Variants in IMMP2L observed in about 807,000 individuals in gnomAD.
The protein encoded by IMMP2L is mitochondrial inner membrane protease subunit 2.
In IMMP2L, 18 loss-of-function variants were observed where a neutral mutation model predicts 19.3. The observed-to-expected ratio is 0.93, with a 90% CI of 0.64 to 1.38. The LOEUF (loss-of-function observed/expected upper bound fraction) is 1.38, where lower values mean the gene tolerates loss of function less well. Among genes scored for constraint, IMMP2L ranks in the 40% most tolerant of loss-of-function variants. The pLI is 0.00. For missense variants in IMMP2L, 233 were observed against 218.2 expected, an observed-to-expected ratio of 1.07 and a Z score of -0.43; for synonymous variants, 76 against 73.0, an observed-to-expected ratio of 1.04 and a Z score of -0.21.
intron 1 of IMMP2L, among the ~76,000 whole-genome samples, chr7:111,539,631 G>GT (rs1219109921): frequency 0.023 from 3,213 of 142,428 alleles, 106 homozygotes; most frequent in African/African-American, 0.072. Context: ...TTTTTATCTG[G>GT]TTTTTTTTTT....
chr7:111,332,078 T>C (rs1825935344), intron 3 of IMMP2L, among the ~76,000 whole-genome samples: 2 of 151,898 alleles, frequency 1.3e-5, no homozygotes, highest in African/African-American at 4.8e-5. Context: ...ACAAAAAGGC[T>C]GTTTTATAGG....
At chr7:111,158,059 T>C (rs1804839312) in intron 3 of IMMP2L, among the ~76,000 whole-genome samples, 2 of 151,956 alleles carry the variant, frequency 1.3e-5, no homozygotes, top group African/African-American at 4.8e-5. Flanking sequence ...CTGTCAGAAT[T>C]TTTATTACAG....
chr7:111,004,777 T>G (rs1355111402), intron 3 of IMMP2L, among the ~76,000 whole-genome samples: 2 of 152,184 alleles, frequency 1.3e-5, no homozygotes, highest in Non-Finnish European at 2.9e-5. Context: ...GCATGATTTT[T>G]CTGTTACTGT....
In IMMP2L at chr7:111,445,019, A is replaced by G. The variant is rs73203015; in HGVS notation, c.239+42219T>C. Reference sequence around the variant, plus strand: ...ATGTTGAGCCTTAGAAGATTTTTCTAAGAAACAGCTAGGCATATAAATATA... The same window carrying G: ...ATGTTGAGCCTTAGAAGATTTTTCTGAGAAACAGCTAGGCATATAAATATA... On this transcript the variant is annotated intron_variant, in intron 3 of 5. Transcript: ENST00000405709. 5.2e-3 allele frequency among the ~76,000 whole-genome samples: 794 copies of G among 152,270 alleles called. 9 individuals are homozygous for G. The highest frequency in any genetic ancestry group is 8.4e-3 in the Non-Finnish European group (574 of 68,002).
chr7:110,960,548 T>C (rs1383169287), intron 4 of IMMP2L, among the ~76,000 whole-genome samples: 1 of 151,980 alleles, frequency 6.6e-6, no homozygotes, highest in South Asian at 2.1e-4. Context: ...CGTATCTATA[T>C]ACTGTTTTGC....
chr7:110,929,507 C>A (rs997604360), intron 4 of IMMP2L, among the ~76,000 whole-genome samples: 8 of 152,104 alleles, frequency 5.3e-5, no homozygotes, highest in African/African-American at 1.9e-4. Flanking sequence ...AGCACTTGTG[C>A]ATTAATCATA....
intron 3 of IMMP2L, among the ~76,000 whole-genome samples, chr7:111,053,132 G>C (rs934154635): frequency 6.6e-6 from 1 of 152,212 alleles, no homozygotes; most frequent in Non-Finnish European, 1.5e-5. Flanking sequence ...AAAAGCTTTA[G>C]AGCAGGAACA....
intron 3 of IMMP2L, among the ~76,000 whole-genome samples, chr7:111,268,231 G>A (rs1445905994): frequency 6.6e-6 from 1 of 151,894 alleles, no homozygotes; most frequent in Non-Finnish European, 1.5e-5. Flanking sequence ...TCCCTAAAAG[G>A]AGTAGGATAT....
chr7:110,869,140 C>G (rs930415280), intron 5 of IMMP2L, among the ~76,000 whole-genome samples: 6 of 152,058 alleles, frequency 3.9e-5, no homozygotes, highest in Admixed American at 2.6e-4. Flanking sequence ...TCAGGAAAAT[C>G]AACCAGGTAG....
At chr7:110,884,269 GAA>G (rs1809987058) in intron 5 of IMMP2L, among the ~76,000 whole-genome samples, 1 of 151,864 alleles carries the variant, frequency 6.6e-6, no homozygotes, top group Non-Finnish European at 1.5e-5. Flanking sequence ...TGTTGTAAAG[GAA>G]AAGACACTAA....
chr7:110,906,468 T>G (rs930177778), intron 4 of IMMP2L, among the ~76,000 whole-genome samples: 3 of 152,148 alleles, frequency 2.0e-5, no homozygotes, highest in African/African-American at 7.2e-5. Context: ...CAGAATAAAA[T>G]GCAAGATAGG....
chr7:111,124,534 G>A (rs1417787594), intron 3 of IMMP2L: 1 of 1,613,550 alleles, frequency 6.2e-7, no homozygotes, highest in Non-Finnish European at 8.5e-7. Context: ...TCCATCAACT[G>A]AGTATAAAAT....
At chr7:111,072,094 GA>G (rs1054476317) in intron 3 of IMMP2L, among the ~76,000 whole-genome samples, 2 of 151,716 alleles carry the variant, frequency 1.3e-5, no homozygotes, top group Non-Finnish European at 2.9e-5. Flanking sequence ...TCATTGTTGG[GA>G]AAAAAAATCC....
chr7:111,296,327 T>G (rs1444579028), intron 3 of IMMP2L, among the ~76,000 whole-genome samples: 3 of 151,718 alleles, frequency 2.0e-5, no homozygotes, highest in Non-Finnish European at 2.9e-5. Flanking sequence ...TACCAATACA[T>G]GAAATTAAAA....
chr7:111,481,336 G>A (rs1306622796), intron 3 of IMMP2L, among the ~76,000 whole-genome samples: 1 of 152,104 alleles, frequency 6.6e-6, no homozygotes, highest in African/African-American at 2.4e-5. Flanking sequence ...ATTATATGGA[G>A]ACATTATAGG....
chr7:111,504,633 A>G (rs1259435469), intron 2 of IMMP2L, among the ~76,000 whole-genome samples: 1 of 152,176 alleles, frequency 6.6e-6, no homozygotes, highest in Non-Finnish European at 1.5e-5. Context: ...GATATAGATT[A>G]ATGGAACAGA....
chr7:111,152,150 C>T (rs1804149194), intron 3 of IMMP2L, among the ~76,000 whole-genome samples: 1 of 152,026 alleles, frequency 6.6e-6, no homozygotes, highest in Non-Finnish European at 1.5e-5. Context: ...CTGGAAGATG[C>T]ATACATGGTA....
At chr7:111,465,468 G>C (rs1342166965) in intron 3 of IMMP2L, among the ~76,000 whole-genome samples, 1 of 148,450 alleles carries the variant, frequency 6.7e-6, no homozygotes, top group Non-Finnish European at 1.5e-5. Flanking sequence ...TTGGGGATGG[G>C]GAGGGGTAGT....
At chr7:111,093,112 T>C (rs1431048141) in intron 3 of IMMP2L, among the ~76,000 whole-genome samples, 1 of 152,182 alleles carries the variant, frequency 6.6e-6, no homozygotes, top group Non-Finnish European at 1.5e-5. Flanking sequence ...CCTTTGTAAA[T>C]GATGACAATA....
Sources: gnomAD v4.1 joint callset for allele counts (sites outside exome capture counted in the v4.1 genomes callset) on GRCh38, gnomAD v4.1.1 for gene constraint, MANE v1.5 for transcripts, NCBI Gene and HGNC (gene_info 2026-07-23, HGNC 2026-07-21) for gene names.